Variants in XKR6 observed in about 807,000 individuals in gnomAD.
XKR6 encodes the protein XK-related protein 6.
A neutral mutation model predicts 56.7 loss-of-function variants in XKR6; 22 were observed. The observed-to-expected ratio is 0.39, with a 90% CI of 0.28 to 0.55. XKR6 has a LOEUF of 0.55. Ranked by LOEUF, XKR6 falls within the 20% of genes least tolerant of loss-of-function variation. XKR6 has a pLI of 0.66. For synonymous variants in XKR6, 524 were observed against 387.8 expected (o/e 1.35, Z -4.13); for missense variants, 852 against 889.0 (o/e 0.96, Z 0.53).
chr8:11,002,406 T>TG, intron 1 of XKR6: 1 of 396,050 alleles, frequency 2.5e-6, no homozygotes, highest in Admixed American at 2.8e-5. Flanking sequence ...TCTGTTGGCC[T>TG]GGGGGAGGCC....
At chr8:10,913,947 G>C (rs1800482840) in intron 2 of XKR6, among the ~76,000 whole-genome samples, 1 of 152,200 alleles carries the variant, frequency 6.6e-6, no homozygotes, top group Non-Finnish European at 1.5e-5. Context: ...GCCAGCAGCA[G>C]GGCTTGGCAG....
At chr8:10,926,235 T>A (rs182433497) in intron 1 of XKR6, among the ~76,000 whole-genome samples, 12 of 152,318 alleles carry the variant, frequency 7.9e-5, no homozygotes, top group African/African-American at 2.6e-4. Flanking sequence ...TCCCAGCCAC[T>A]GCCCCTTTTG....
intron 2 of XKR6, among the ~76,000 whole-genome samples, chr8:10,912,897 T>C (rs1051593804): frequency 6.6e-6 from 1 of 150,782 alleles, no homozygotes; most frequent in African/African-American, 2.4e-5. Flanking sequence ...TGTGTTTATA[T>C]ATAAAGAGAG....
chr8:11,123,091 G>C (rs1361586618), intron 1 of XKR6, among the ~76,000 whole-genome samples: 1 of 151,918 alleles, frequency 6.6e-6, no homozygotes, highest in Non-Finnish European at 1.5e-5. Flanking sequence ...ACAAAAAATA[G>C]CCAGGTGTGG....
intron 1 of XKR6, among the ~76,000 whole-genome samples, chr8:11,139,989 C>CA (rs551404019): frequency 5.3e-4 from 80 of 152,074 alleles, no homozygotes; most frequent in Non-Finnish European, 1.0e-3. Context: ...TTTTAAAGTT[C>CA]AAAAAGCGGG....
intron 1 of XKR6, among the ~76,000 whole-genome samples, chr8:11,170,922 T>C (rs894054010): frequency 6.6e-6 from 1 of 152,232 alleles, no homozygotes; most frequent in Admixed American, 6.5e-5. Flanking sequence ...AATTAACCTT[T>C]GCTGTTGTAA....
intron 1 of XKR6, among the ~76,000 whole-genome samples, chr8:11,165,333 C>G (rs1490720265): frequency 1.3e-5 from 2 of 152,082 alleles, no homozygotes; most frequent in Non-Finnish European, 2.9e-5. Flanking sequence ...CTCCTGACCT[C>G]ATGATCTGCC....
intron 1 of XKR6, among the ~76,000 whole-genome samples, chr8:11,043,279 G>C (rs1183295711): frequency 1.3e-5 from 2 of 152,162 alleles, no homozygotes; most frequent in African/African-American, 2.4e-5. Flanking sequence ...GAGGATGCGA[G>C]GTGGGGTGTT....
Position 11,027,126 on chromosome 8 carries a change from A to T in XKR6, c.765-102296T>A, listed in dbSNP as rs377109344. 1.4e-4 allele frequency among the ~76,000 whole-genome samples: 22 copies of T among 152,348 alleles called. No homozygotes were observed. In the East Asian group the frequency reaches 3.7e-3, roughly 25 times the overall value. On this transcript the variant is annotated intron_variant, in intron 1 of 2. Transcript: ENST00000416569. ...ATAGCCTGTTGCTCCTAGGCTACAA[A>T]CCTGTACAGTACAATACTGTACTGA...
intron 1 of XKR6, among the ~76,000 whole-genome samples, chr8:11,148,706 C>T (rs1463536019): frequency 3.3e-5 from 5 of 152,132 alleles, no homozygotes; most frequent in Admixed American, 3.3e-4. Flanking sequence ...AAAACATGTC[C>T]ACACAAAGAC....
chr8:11,195,165 T>G, intron 1 of XKR6: 1 of 703,318 alleles, frequency 1.4e-6, no homozygotes. Flanking sequence ...GTGAGGCAAC[T>G]TCATGTGGTT....
At chr8:11,016,616 G>T (rs1026525975) in intron 1 of XKR6, among the ~76,000 whole-genome samples, 14 of 152,174 alleles carry the variant, frequency 9.2e-5, no homozygotes, top group Non-Finnish European at 1.9e-4. Context: ...CGGGCCCTCG[G>T]TAGGGGGCGT....
At chr8:11,162,755 G>A (rs919209529) in intron 1 of XKR6, among the ~76,000 whole-genome samples, 6 of 152,170 alleles carry the variant, frequency 3.9e-5, no homozygotes, top group South Asian at 2.1e-4. Context: ...GTTTTAAGAC[G>A]GTCTGTCAGG....
chr8:11,030,316 G>A (rs571718729), intron 1 of XKR6, among the ~76,000 whole-genome samples: 33 of 152,264 alleles, frequency 2.2e-4, no homozygotes, highest in African/African-American at 6.7e-4. Context: ...TCTGTGGATC[G>A]TTCTAAACTG....
chr8:11,100,314 C>T (rs1467954060), intron 1 of XKR6, among the ~76,000 whole-genome samples: 1 of 152,158 alleles, frequency 6.6e-6, no homozygotes, highest in Non-Finnish European at 1.5e-5. Flanking sequence ...TTCGACCTCC[C>T]AAAGTGCTGG....
At chr8:11,100,763 TG>T (rs1798440834) in intron 1 of XKR6, among the ~76,000 whole-genome samples, 1 of 152,238 alleles carries the variant, frequency 6.6e-6, no homozygotes, top group Admixed American at 6.5e-5. Context: ...AAGCAGTTTC[TG>T]GGGAGGAAGG....
intron 1 of XKR6, chr8:11,123,660 T>C (rs1799589749): frequency 5.3e-5 from 18 of 339,664 alleles, no homozygotes; most frequent in South Asian, 4.0e-4. Flanking sequence ...AATACTCAAA[T>C]ATATCTTTAT....
intron 1 of XKR6, among the ~76,000 whole-genome samples, chr8:11,016,770 C>T (rs1300702399): frequency 2.6e-5 from 4 of 152,206 alleles, no homozygotes; most frequent in Non-Finnish European, 5.9e-5. Context: ...CCGCTCTGAG[C>T]CGGCGCGTCC....
At chr8:11,194,596 C>G (rs1803766049) in intron 1 of XKR6, 1 of 152,306 alleles carries the variant, frequency 6.6e-6, no homozygotes, top group East Asian at 1.9e-4. Context: ...GCAGACAGCA[C>G]GTTGTAAAGC....
Sources: allele counts gnomAD v4.1 joint callset (sites outside exome capture counted in the v4.1 genomes callset), GRCh38; gene constraint gnomAD v4.1.1; transcripts MANE v1.5; gene names NCBI Gene and HGNC (gene_info 2026-07-23, HGNC 2026-07-21).